The following TBC1D24 variants were observed in gnomAD, a reference collection of about 807,000 sequenced individuals.
TBC1D24 encodes the protein TBC1 domain family member 24.
A neutral mutation model predicts 50.7 loss-of-function variants in TBC1D24; 47 were observed. That is an observed-to-expected ratio of 0.93 (90% confidence interval 0.73 to 1.18). The LOEUF (loss-of-function observed/expected upper bound fraction) is 1.18, where lower values mean the gene tolerates loss of function less well. TBC1D24 is among the 50% of genes most tolerant of loss of function. The pLI is 0.00. For missense variants in TBC1D24, 688 were observed against 766.5 expected, an observed-to-expected ratio of 0.90 and a Z score of 1.21; for synonymous variants, 324 against 335.2, an observed-to-expected ratio of 0.97 and a Z score of 0.36.
In TBC1D24 at chr16:2,487,567, G is replaced by C. The variant is rs190017993; in HGVS notation, c.-115-8467G>C. On this transcript the variant is annotated intron_variant, in intron 1 of 7. Coordinates refer to ENST00000646147, the MANE Select transcript of TBC1D24 (RefSeq NM_001199107.2). The surrounding 1 kb of genome is among the most constrained non-coding windows in gnomAD (Gnocchi z 4.1). ...CCTCTGAAGAAGCGAGACGTGCAGA[G>C]GCCTCGTGACTCAGGCTGTCAGGCC... Among the ~76,000 whole-genome samples the C allele has an allele frequency of 6.6e-6, 1 of 152,366 alleles. No homozygotes were observed. Among genetic ancestry groups the C allele is most frequent in the African/African-American group, 2.4e-5 (1 of 41,588 alleles).
intron 1 of TBC1D24, among the ~76,000 whole-genome samples, chr16:2,494,130 C>T (rs989825775): frequency 1.3e-5 from 2 of 152,150 alleles, no homozygotes; most frequent in Non-Finnish European, 2.9e-5. Flanking sequence ...GAACTGGGAA[C>T]GGGCTGGGCG....
At chr16:2,491,528 A>G (rs901928584) in intron 1 of TBC1D24, among the ~76,000 whole-genome samples, 2 of 149,858 alleles carry the variant, frequency 1.3e-5, no homozygotes, top group African/African-American at 4.9e-5. Context: ...AGCTGGGACT[A>G]CAGGTATGCG....
chr16:2,488,407 C>T (rs563361298), intron 1 of TBC1D24, among the ~76,000 whole-genome samples: 58 of 150,280 alleles, frequency 3.9e-4, no homozygotes, highest in Middle Eastern at 3.4e-3. Context: ...CCAGAGGGCA[C>T]GGTGGTCACA....
chr16:2,475,188 G>T lies in TBC1D24; in HGVS notation c.-116+18G>T, dbSNP rs1181532315. 1 of 149,518 alleles carries T rather than the reference G, an allele frequency of 6.7e-6. No homozygotes were observed. The highest frequency in any genetic ancestry group is 1.5e-5 in the Non-Finnish European group (1 of 66,706). The allele number at this position is 149,518 out of a possible 1,614,324, so 9.3% of individuals were successfully genotyped here. ...GCGCGGAGGTGGGTGCGCTCGGGGC[G>T]TGCGGGGGGCGCGCGGCGGGGTGGC... On this transcript the variant is annotated intron_variant, in intron 1 of 7. Transcript: ENST00000646147. This position sits in a 1 kb window ranked among gnomAD's most constrained non-coding sequence, Gnocchi z 4.2.
At position 2,500,779 on chromosome 16, in the gene TBC1D24, C is replaced by T. The variant is rs764622760; in HGVS notation, c.1526-25C>T. The T allele has an allele frequency of 1.5e-4, 241 of 1,592,674 alleles. 1 individual carries two copies. The highest frequency in any genetic ancestry group is 1.3e-4 in the African/African-American group (10 of 74,772). On this transcript the variant is annotated intron_variant, in intron 7 of 7. Coordinates refer to ENST00000646147, the MANE Select transcript of TBC1D24 (RefSeq NM_001199107.2). This position sits in a 1 kb window ranked among gnomAD's most constrained non-coding sequence, Gnocchi z 8.0. ...GTCAGTGCTGATAGGGCAGTCAGGCCGCCACTGACCTGAGCATCCTGCAGG... is the reference window on the plus strand; with the variant it reads ...GTCAGTGCTGATAGGGCAGTCAGGCTGCCACTGACCTGAGCATCCTGCAGG...
chr16:2,479,619 G>A (rs1468346828), intron 1 of TBC1D24: 1 of 152,334 alleles, frequency 6.6e-6, no homozygotes. Flanking sequence ...CTGTGCTGCA[G>A]AAGCAGCCCC....
chr16:2,479,300 A>G (rs1456036493), intron 1 of TBC1D24: 8 of 152,054 alleles, frequency 5.3e-5, no homozygotes. Flanking sequence ...CCTTTTGGGG[A>G]ACCTCCAGCT....
intron 3 of TBC1D24, 57 bp downstream of exon 3, chr16:2,497,784 T>C: frequency 6.6e-7 from 1 of 1,508,864 alleles, no homozygotes; most frequent in Non-Finnish European, 8.9e-7. Flanking sequence ...AGGCTGACTC[T>C]AGGCCAGCTG....
chr16:2,491,263 A>G (rs574106472), intron 1 of TBC1D24, among the ~76,000 whole-genome samples: 2 of 152,274 alleles, frequency 1.3e-5, no homozygotes, highest in African/African-American at 4.8e-5. Flanking sequence ...TTTTGGTACT[A>G]TTTGACTTTT....
rs886051857 is a variant in TBC1D24, at chr16:2,502,856, A to G, written c.*1898A>G. 6.5e-6 allele frequency: 1 copy of G among 152,812 alleles called. No individual in the cohort carries two copies. Among genetic ancestry groups the G allele is most frequent in the Non-Finnish European group, 1.5e-5 (1 of 68,118 alleles). 9.5% of individuals were successfully genotyped at this position (152,812 alleles called of 1,614,324 possible). A position where few individuals can be genotyped will look rare whatever the true frequency, so the allele number is the denominator to read the frequency against. The stretch of plus-strand genomic sequence containing the variant: ...TGTTCATTAAACATGGTCTTGCTGC[A>G]TCAACTCCAGGGCTCCAAGCTGAGT... On this transcript the variant is annotated 3_prime_UTR_variant, in exon 8 of 8. Transcript: ENST00000646147.
rs770921349 is a variant in TBC1D24, at chr16:2,503,902, A to C, written c.*2944A>C. ...GAATAGACCACTTTGTGCTGAATAA[A>C]TGTTTAACATTTATTTTTAAAACAA... On this transcript the variant is annotated 3_prime_UTR_variant, in exon 8 of 8. Coordinates refer to ENST00000646147, the MANE Select transcript of TBC1D24 (RefSeq NM_001199107.2). The C allele has an allele frequency of 4.6e-5, 7 of 152,142 alleles. No homozygotes were observed. The highest frequency in any genetic ancestry group is 6.6e-5 in the Admixed American group (1 of 15,260). The allele number at this position is 152,142 out of a possible 1,614,324, so 9.4% of individuals were successfully genotyped here. A position where few individuals can be genotyped will look rare whatever the true frequency, so the allele number is the denominator to read the frequency against.
At chr16:2,488,195 C>T (rs1266383490) in intron 1 of TBC1D24, among the ~76,000 whole-genome samples, 4 of 152,214 alleles carry the variant, frequency 2.6e-5, no homozygotes, top group East Asian at 3.8e-4. Flanking sequence ...CTGCCAGGGA[C>T]GGATTTGGGG....
intron 1 of TBC1D24, among the ~76,000 whole-genome samples, chr16:2,492,004 A>AT (rs376326249): frequency 6.0e-5 from 9 of 149,144 alleles, no homozygotes; most frequent in East Asian, 2.0e-4. Flanking sequence ...AGGCCTGGCC[A>AT]TTTTTTTTTA....
In TBC1D24 at chr16:2,500,868, C is replaced by G. The variant is rs1060502501; in HGVS notation, c.1590C>G (p.Cys530Trp). Residue 530 changes from cysteine to tryptophan, a missense_variant, in exon 8 of 8, where the codon TGC becomes TGG. By Grantham distance (215) the Cys-to-Trp change is radical. Coordinates refer to ENST00000646147, the MANE Select transcript of TBC1D24 (RefSeq NM_001199107.2). The surrounding 1 kb of genome is among the most constrained non-coding windows in gnomAD (Gnocchi z 8.0). Reference sequence around the variant, plus strand: ...TGAACCGGGGCCGCACAAGCCACTGCGACACCTTCAACAACCAGCCCCTCT... The same window carrying G: ...TGAACCGGGGCCGCACAAGCCACTGGGACACCTTCAACAACCAGCCCCTCT... ...GDLNRGRTSH[C>W]DTFNNQPLCS... The G allele has an allele frequency of 1.9e-6, 3 of 1,612,678 alleles. No homozygotes were observed. The highest frequency in any genetic ancestry group is 1.1e-5 in the South Asian group (1 of 91,080).
rs141399869 is a variant in TBC1D24, at chr16:2,500,292, G to A, written c.1327G>A (p.Glu443Lys). 476 of 1,609,492 alleles carry A rather than the reference G, an allele frequency of 3.0e-4. No individual in the cohort carries two copies. In the African/African-American group the frequency reaches 5.1e-3, roughly 17 times the overall value. Residue 443 changes from glutamate to lysine, a missense_variant, in exon 7 of 8, where the codon GAG becomes AAG. Glu to Lys is a moderately conservative substitution (Grantham distance 56, BLOSUM62 1). Coordinates refer to ENST00000646147, the MANE Select transcript of TBC1D24 (RefSeq NM_001199107.2). The surrounding 1 kb of genome is among the most constrained non-coding windows in gnomAD (Gnocchi z 8.0). ...FRLQPEVQRY[E>K]WVVIKHPELT... ...GCTGCAGCCTGAGGTGCAGCGCTAC[G>A]AGTGGGTGGTGATCAAGCACCCCGA...
chr16:2,497,687 C>T (rs144015104), intron 2 of TBC1D24, 23 bp from the exon 3 acceptor site: 56 of 1,535,596 alleles, frequency 3.6e-5, no homozygotes, highest in Non-Finnish European at 4.3e-5. Flanking sequence ...TCTCCATGTC[C>T]GTTGCTTTCT....
chr16:2,479,040 A>C (rs1038762975), intron 1 of TBC1D24: 2 of 152,002 alleles, frequency 1.3e-5, no homozygotes, highest in African/African-American at 2.4e-5. Context: ...CTATAGGCGC[A>C]CACCACCATG....
At chr16:2,493,743 G>T (rs1222058938) in intron 1 of TBC1D24, 2 of 152,188 alleles carry the variant, frequency 1.3e-5, no homozygotes, top group Non-Finnish European at 2.9e-5. Context: ...TTGCACTTCT[G>T]TGCGCAGGAC....
rs772992015 is a variant in TBC1D24, at chr16:2,504,867, C to T, written c.*3909C>T. ...CCAAATGGCCACTAATTAGGCAATA[C>T]AGCACCTGCCTCAAATTTGGGTTCA... is the stretch of plus-strand genomic sequence containing the variant. On this transcript the variant is annotated 3_prime_UTR_variant, in exon 8 of 8. Coordinates refer to ENST00000646147, the MANE Select transcript of TBC1D24 (RefSeq NM_001199107.2). The T allele has an allele frequency of 3.3e-5, 5 of 152,148 alleles. No homozygotes were observed. Among genetic ancestry groups the T allele is most frequent in the Non-Finnish European group, 7.4e-5 (5 of 68,016 alleles). The allele number at this position is 152,148 out of a possible 1,614,324, so 9.4% of individuals were successfully genotyped here.
Sources: gnomAD v4.1 joint callset for allele counts (sites outside exome capture counted in the v4.1 genomes callset) on GRCh38, gnomAD v4.1.1 for gene constraint, Gnocchi (gnomAD v3.1) non-coding constraint, MANE v1.5 for transcripts, NCBI Gene and HGNC (gene_info 2026-07-23, HGNC 2026-07-21) for gene names.